The following LDB2 variants were observed in gnomAD, a reference collection of about 807,000 sequenced individuals.
The protein encoded by LDB2 is LIM domain-binding protein 2.
In LDB2, 12 loss-of-function variants were observed where a neutral mutation model predicts 44.3. That is an observed-to-expected ratio of 0.27 (90% CI 0.17 to 0.44). The LOEUF (loss-of-function observed/expected upper bound fraction) is 0.44. Among genes scored for constraint, LDB2 ranks in the 20% least tolerant of loss-of-function variants. LDB2 has a pLI of 1.00. For missense variants in LDB2, 344 were observed against 473.5 expected (o/e 0.73, Z 2.54); for synonymous variants, 164 against 174.8 (o/e 0.94, Z 0.49).
intron 2 of LDB2, chr4:16,674,208 A>G: frequency 7.8e-7 from 1 of 1,283,936 alleles, no homozygotes. Flanking sequence ...ACCTTTGGTC[A>G]AACAGAAAAG....
chr4:16,651,910 C>T (rs764823542), intron 2 of LDB2, among the ~76,000 whole-genome samples: 2 of 152,176 alleles, frequency 1.3e-5, no homozygotes, highest in Non-Finnish European at 1.5e-5. Flanking sequence ...AGAGCTCTTA[C>T]TTAGGTACTA....
intron 1 of LDB2, among the ~76,000 whole-genome samples, chr4:16,799,638 A>G (rs925888650): frequency 1.6e-4 from 24 of 152,192 alleles, no homozygotes; most frequent in Non-Finnish European, 2.9e-5. Flanking sequence ...ATTGAACAAG[A>G]ACAAAGGCAA....
intron 1 of LDB2, among the ~76,000 whole-genome samples, chr4:16,897,001 T>C (rs1246731590): frequency 2.0e-5 from 3 of 152,232 alleles, no homozygotes; most frequent in African/African-American, 7.2e-5. Context: ...TTAGCGTCTA[T>C]GGTGTATTAA....
intron 6 of LDB2, 26 bp from the exon 7 acceptor site, chr4:16,508,712 A>G: frequency 6.2e-7 from 1 of 1,610,700 alleles, no homozygotes; most frequent in South Asian, 1.1e-5. Flanking sequence ...GGGAAGAGGG[A>G]TCAGTTCTAG....
chr4:16,779,882 C>G, intron 1 of LDB2, among the ~76,000 whole-genome samples: 1 of 152,102 alleles, frequency 6.6e-6, no homozygotes, highest in East Asian at 1.9e-4. Context: ...TTATTTTTGA[C>G]TTTTTTCATT....
intron 1 of LDB2, among the ~76,000 whole-genome samples, chr4:16,872,942 CT>C (rs1046183257): frequency 6.6e-5 from 10 of 152,148 alleles, no homozygotes; most frequent in Admixed American, 2.0e-4. Flanking sequence ...AGCCCACGTG[CT>C]TCTAAGTCCA....
At position 16,675,083 on chromosome 4, in the gene LDB2, T is replaced by A. The variant is rs192663777; in HGVS notation, c.236-79208A>T. Among the ~76,000 whole-genome samples, 732 of 152,322 alleles carry A rather than the reference T, an allele frequency of 4.8e-3. 4 individuals are homozygous for A. The highest frequency in any genetic ancestry group is 7.1e-3 in the Non-Finnish European group (483 of 68,034). On this transcript the variant is annotated intron_variant, in intron 2 of 7. Transcript: ENST00000304523. ...ATCTTAAATGCAATCATTTATTTTT[T>A]AAAAACTTTTATTTTGAGATAATGG...
chr4:16,891,422 C>A (rs1723367730), intron 1 of LDB2, among the ~76,000 whole-genome samples: 2 of 149,696 alleles, frequency 1.3e-5, no homozygotes, highest in Admixed American at 6.7e-5. Context: ...AAACAATTCT[C>A]CTGCCTCAGC....
intron 2 of LDB2, among the ~76,000 whole-genome samples, chr4:16,739,511 G>A (rs1198618274): frequency 7.0e-5 from 10 of 143,476 alleles, no homozygotes; most frequent in South Asian, 6.7e-4. Context: ...ACTTGAACCC[G>A]GGAGGCAGAG....
intron 1 of LDB2, among the ~76,000 whole-genome samples, chr4:16,885,313 G>A (rs1438231372): frequency 6.6e-6 from 1 of 151,818 alleles, no homozygotes; most frequent in East Asian, 1.9e-4. Context: ...CCAGCCTGGG[G>A]AGCAAGACGC....
intron 5 of LDB2, among the ~76,000 whole-genome samples, chr4:16,512,968 A>T (rs1301690069): frequency 6.6e-6 from 1 of 152,226 alleles, no homozygotes; most frequent in Non-Finnish European, 1.5e-5. Context: ...ACTTATGAGG[A>T]CAGAGACCAC....
chr4:16,657,261 TTATC>T (rs1560779564), intron 2 of LDB2, among the ~76,000 whole-genome samples: 1 of 152,216 alleles, frequency 6.6e-6, no homozygotes. Flanking sequence ...GTGGTTGGCA[TTATC>T]TATCTGCTGG....
intron 2 of LDB2, among the ~76,000 whole-genome samples, chr4:16,689,276 G>A (rs373440383): frequency 9.2e-5 from 14 of 152,212 alleles, no homozygotes; most frequent in African/African-American, 2.6e-4. Context: ...CCCTTCCTCC[G>A]CTCCCCAATT....
chr4:16,527,140 G>GAC (rs1357805301), intron 5 of LDB2, among the ~76,000 whole-genome samples: 1 of 152,166 alleles, frequency 6.6e-6, no homozygotes, highest in Non-Finnish European at 1.5e-5. Flanking sequence ...GAGAAAGTTA[G>GAC]ACAGCGAGAT....
chr4:16,769,581 C>G (rs974501672), intron 1 of LDB2, among the ~76,000 whole-genome samples: 1 of 151,816 alleles, frequency 6.6e-6, no homozygotes, highest in Admixed American at 6.6e-5. Flanking sequence ...CAGGTGTGAG[C>G]CACTGTGCCC....
chr4:16,778,128 T>C (rs1407436219), intron 1 of LDB2, among the ~76,000 whole-genome samples: 1 of 152,180 alleles, frequency 6.6e-6, no homozygotes, highest in South Asian at 2.1e-4. Flanking sequence ...ACATATTTGA[T>C]CTGAAAACTG....
intron 2 of LDB2, among the ~76,000 whole-genome samples, chr4:16,601,659 C>T (rs1399012364): frequency 6.6e-5 from 10 of 152,124 alleles, no homozygotes; most frequent in Non-Finnish European, 1.0e-4. Context: ...TAGATAAATT[C>T]GTTGGCTAAA....
chr4:16,734,703 CTTTTT>C (rs539507998), intron 2 of LDB2, among the ~76,000 whole-genome samples: 14,075 of 129,100 alleles, frequency 0.11, 938 homozygotes, highest in East Asian at 0.35. Context: ...TTCTTGTTTT[CTTTTT>C]TTTTTTTTTT....
intron 2 of LDB2, among the ~76,000 whole-genome samples, chr4:16,599,089 G>T (rs1201310299): frequency 2.6e-5 from 4 of 152,002 alleles, no homozygotes; most frequent in Admixed American, 6.6e-5. Flanking sequence ...AGATTAAAAA[G>T]GTGTCAGAGA....
Sources: gnomAD v4.1 joint callset for allele counts (sites outside exome capture counted in the v4.1 genomes callset) on GRCh38, gnomAD v4.1.1 for gene constraint, MANE v1.5 for transcripts, NCBI Gene and HGNC (gene_info 2026-07-23, HGNC 2026-07-21) for gene names.